Variants in MOV10L1 observed in about 807,000 individuals in gnomAD.
The protein encoded by MOV10L1 is Mov10 like RNA helicase 1.
In MOV10L1, 110 loss-of-function variants were observed where a neutral mutation model predicts 143.8. The ratio of observed to expected loss-of-function variants is 0.76; its 90% confidence interval spans 0.66 to 0.90. The LOEUF (loss-of-function observed/expected upper bound fraction) is 0.90. Among genes scored for constraint, MOV10L1 ranks in the 40% least tolerant of loss-of-function variants. The pLI is 0.00. For synonymous variants in MOV10L1, 593 were observed against 581.1 expected, an observed-to-expected ratio of 1.02 and a Z score of -0.29; for missense variants, 1,406 against 1,526.8, an observed-to-expected ratio of 0.92 and a Z score of 1.32.
At chr22:50,091,878 G>A (rs2062453559) in intron 1 of MOV10L1, 123 bp from the exon 2 acceptor site, 6 of 861,324 alleles carry the variant, frequency 7.0e-6, no homozygotes, top group Admixed American at 5.1e-5. Flanking sequence ...CAGCCCGTTC[G>A]GAGTCAGTGC....
intron 15 of MOV10L1, among the ~76,000 whole-genome samples, chr22:50,137,935 T>C (rs934622488): frequency 6.6e-6 from 1 of 151,066 alleles, no homozygotes; most frequent in Non-Finnish European, 1.5e-5. Context: ...ATATGACACA[T>C]GTATATGAGA....
intron 3 of MOV10L1, among the ~76,000 whole-genome samples, chr22:50,105,143 A>T (rs951817591): frequency 1.3e-5 from 2 of 152,248 alleles, no homozygotes; most frequent in Non-Finnish European, 1.5e-5. Flanking sequence ...AGGAAATATT[A>T]GTAAACTCAA....
chr22:50,147,662 G>A (rs546493739), intron 19 of MOV10L1, among the ~76,000 whole-genome samples: 1 of 152,258 alleles, frequency 6.6e-6, no homozygotes, highest in East Asian at 1.9e-4. Context: ...GGCGGCTGGA[G>A]TGGGGAGGGG....
intron 6 of MOV10L1, 72 bp downstream of exon 6, chr22:50,113,860 G>T (rs1476718956): frequency 3.5e-5 from 43 of 1,243,286 alleles, no homozygotes; most frequent in Non-Finnish European, 3.6e-5. Context: ...AATAATTTCT[G>T]TAAAACCAAC....
rs548116328 is a variant in MOV10L1 at position 50,090,006 on chromosome 22, A to G, written c.-83A>G. 1 of 1,089,922 alleles carries G rather than the reference A, an allele frequency of 9.2e-7. No homozygotes were observed. Among genetic ancestry groups the G allele is most frequent in the South Asian group, 4.4e-5 (1 of 22,576 alleles). The allele number at this position is 1,089,922 out of a possible 1,614,324, so 67.5% of individuals were successfully genotyped here. The stretch of plus-strand genomic sequence containing the variant: ...GCGCATGCCCAGGCGCGGCGACCCC[A>G]TTGGTGGCGGGCGGCGGGAGCGGCG... On this transcript the variant is annotated 5_prime_UTR_variant, in exon 1 of 27. Coordinates refer to ENST00000262794, the MANE Select transcript of MOV10L1 (RefSeq NM_018995.3).
At chr22:50,155,239 A>C (rs1485667532) in intron 22 of MOV10L1, among the ~76,000 whole-genome samples, 1 of 148,572 alleles carries the variant, frequency 6.7e-6, no homozygotes, top group Non-Finnish European at 1.5e-5. Context: ...TCTGGTGGTC[A>C]CTTTTTTGGG....
intron 8 of MOV10L1, 86 bp from the exon 9 acceptor site, chr22:50,117,071 A>C: frequency 8.1e-7 from 1 of 1,237,298 alleles, no homozygotes; most frequent in East Asian, 2.3e-5. Context: ...TAACTCTGTC[A>C]CTTTTCTTGT....
intron 15 of MOV10L1, among the ~76,000 whole-genome samples, chr22:50,139,777 G>A (rs1000441784): frequency 9.9e-5 from 15 of 152,186 alleles, no homozygotes; most frequent in African/African-American, 3.4e-4. Context: ...AACATCATTA[G>A]TTGTTAGGGA....
At position 50,148,922 on chromosome 22, in the gene MOV10L1, C is replaced by T. The variant is rs150194550; in HGVS notation, c.2628-693C>T. 9.2e-3 allele frequency among the ~76,000 whole-genome samples: 1,398 copies of T among 152,318 alleles called. 19 individuals are homozygous for T. The highest frequency in any genetic ancestry group is 0.038 in the East Asian group (196 of 5,178). On this transcript the variant is annotated intron_variant, in intron 19 of 26. Transcript: ENST00000262794. Reference sequence around the variant, plus strand: ...CTCGTGATCCACCCATCTCGGCCTCCCAAAGTGCTGGCATTACAGGCGTGA... The same window carrying T: ...CTCGTGATCCACCCATCTCGGCCTCTCAAAGTGCTGGCATTACAGGCGTGA...
In MOV10L1 at chr22:50,116,049, C is replaced by T. The variant is rs76782197; in HGVS notation, c.1259+803C>T. 5.1e-3 allele frequency among the ~76,000 whole-genome samples: 777 copies of T among 152,242 alleles called. 8 individuals are homozygous for T. Among genetic ancestry groups the T allele is most frequent in the African/African-American group, 0.018 (728 of 41,542 alleles). Reference sequence around the variant, plus strand: ...TCCCTGCATCCCTGCCTAAGCTGCCCGACAGTGCGTGATAGCCTTCCAGCT... The same window carrying T: ...TCCCTGCATCCCTGCCTAAGCTGCCTGACAGTGCGTGATAGCCTTCCAGCT... On this transcript the variant is annotated intron_variant, in intron 8 of 26. Coordinates refer to ENST00000262794, the MANE Select transcript of MOV10L1 (RefSeq NM_018995.3).
At chr22:50,142,802 C>T (rs541741980) in intron 16 of MOV10L1, among the ~76,000 whole-genome samples, 2 of 151,986 alleles carry the variant, frequency 1.3e-5, no homozygotes, top group Admixed American at 6.6e-5. Context: ...TGCCACTGTA[C>T]TCCAAGCTGG....
chr22:50,090,252 G>T, intron 1 of MOV10L1, 67 bp downstream of exon 1: 1 of 1,412,942 alleles, frequency 7.1e-7, no homozygotes, highest in Non-Finnish European at 9.2e-7. Flanking sequence ...AGGGAGCCGC[G>T]CCCATAGGTC....
intron 15 of MOV10L1, among the ~76,000 whole-genome samples, chr22:50,139,445 C>T (rs1283587533): frequency 6.6e-6 from 1 of 151,640 alleles, no homozygotes; most frequent in Non-Finnish European, 1.5e-5. Context: ...GGTACAATGG[C>T]ATACACTTTT....
chr22:50,101,900 G>A (rs546796716), intron 3 of MOV10L1, among the ~76,000 whole-genome samples: 2 of 152,304 alleles, frequency 1.3e-5, no homozygotes, highest in South Asian at 2.1e-4. Flanking sequence ...CCAGAGAAAC[G>A]CTCAGTTCTG....
intron 3 of MOV10L1, among the ~76,000 whole-genome samples, chr22:50,107,353 C>T (rs879850363): frequency 1.3e-5 from 2 of 152,188 alleles, no homozygotes; most frequent in Non-Finnish European, 2.9e-5. Flanking sequence ...TGAGCCACCG[C>T]GCTTGGCCTC....
chr22:50,135,968 A>G (rs557420323), intron 15 of MOV10L1, among the ~76,000 whole-genome samples: 7 of 152,294 alleles, frequency 4.6e-5, no homozygotes, highest in Non-Finnish European at 4.4e-5. Flanking sequence ...TTTTATGAGC[A>G]TGTTTTCAAT....
At chr22:50,142,880 C>T (rs889568574) in intron 16 of MOV10L1, among the ~76,000 whole-genome samples, 163 bp from the exon 17 acceptor site, 1 of 152,030 alleles carries the variant, frequency 6.6e-6, no homozygotes, top group Non-Finnish European at 1.5e-5. Context: ...GAGGAATGCC[C>T]TGTGCGCATC....
At chr22:50,132,175 C>T (rs1443170731) in intron 13 of MOV10L1, among the ~76,000 whole-genome samples, 1 of 152,156 alleles carries the variant, frequency 6.6e-6, no homozygotes, top group African/African-American at 2.4e-5. Context: ...TTTCACCATA[C>T]GAAGCTGGGG....
intron 3 of MOV10L1, among the ~76,000 whole-genome samples, chr22:50,101,473 G>A (rs1226429672): frequency 6.6e-6 from 1 of 151,898 alleles, no homozygotes; most frequent in Non-Finnish European, 1.5e-5. Flanking sequence ...CCAAAGTGCT[G>A]GGATTACAGG....
Sources: allele counts gnomAD v4.1 joint callset (sites outside exome capture counted in the v4.1 genomes callset), GRCh38; gene constraint gnomAD v4.1.1; transcripts MANE v1.5; gene names NCBI Gene and HGNC (gene_info 2026-07-23, HGNC 2026-07-21).